EMP2: variants seen among roughly 807,000 people sequenced by gnomAD.
The protein encoded by EMP2 is epithelial membrane protein 2.
EMP2 carries 19 observed loss-of-function variants against 13.7 expected under a neutral mutation model. That is an observed-to-expected ratio of 1.38 (90% CI 0.97 to 2.03). The LOEUF is 2.03. Ranked by LOEUF, EMP2 falls within the 30% of genes most tolerant of loss-of-function variation. The probability of loss-of-function intolerance (pLI) is 0.00; values close to 1 mark genes in which losing one functional copy is unlikely to be tolerated. For synonymous variants in EMP2, 97 were observed against 84.7 expected, an observed-to-expected ratio of 1.15 and a Z score of -0.80; for missense variants, 253 against 220.7, an observed-to-expected ratio of 1.15 and a Z score of -0.93.
intron 1 of EMP2, chr16:10,578,271 G>T (rs2354423): frequency 0.68 from 103,852 of 151,940 alleles, 35,710 homozygotes; most frequent in South Asian, 0.74. Flanking sequence ...TACCTGTTGC[G>T]GGAAATTGGG....
At chr16:10,549,462 C>T (rs1343068041) in intron 1 of EMP2, among the ~76,000 whole-genome samples, 1 of 152,130 alleles carries the variant, frequency 6.6e-6, no homozygotes, top group Admixed American at 6.6e-5. Context: ...TATTTTATAA[C>T]CATCATCTTG....
intron 1 of EMP2, among the ~76,000 whole-genome samples, chr16:10,570,921 C>T (rs1022801383): frequency 6.6e-6 from 1 of 151,710 alleles, no homozygotes; most frequent in South Asian, 2.1e-4. Context: ...AGAAGAAGGG[C>T]GAGGGAAAGA....
Position 10,532,376 on chromosome 16 carries a change from T to G in EMP2, c.*529A>C, listed in dbSNP as rs1474184701. The G allele has an allele frequency of 2.0e-5, 3 of 152,616 alleles. No individual in the cohort carries two copies. The highest frequency in any genetic ancestry group is 2.9e-5 in the Non-Finnish European group (2 of 68,226). The allele number at this position is 152,616 out of a possible 1,614,324, so 9.5% of individuals were successfully genotyped here. A position where few individuals can be genotyped will look rare whatever the true frequency, so the allele number is the denominator to read the frequency against. On this transcript the variant is annotated 3_prime_UTR_variant, in exon 5 of 5. Coordinates refer to ENST00000359543, the MANE Select transcript of EMP2 (RefSeq NM_001424.6). ...GGCTCTGGTTTGGATACAGACAGAA[T>G]GCCAGGGACTACACCTGCTTCTCAC...
At chr16:10,537,758 G>A (rs949948718) in intron 4 of EMP2, among the ~76,000 whole-genome samples, 170 bp downstream of exon 4, 1 of 129,774 alleles carries the variant, frequency 7.7e-6, no homozygotes, top group Admixed American at 7.4e-5. Context: ...GCATGCATGC[G>A]CCCACACACA....
intron 1 of EMP2, among the ~76,000 whole-genome samples, chr16:10,561,849 A>G (rs1411267669): frequency 6.6e-6 from 1 of 152,242 alleles, no homozygotes; most frequent in African/African-American, 2.4e-5. Context: ...TAAAGGGCTA[A>G]TAACAAGTGA....
intron 1 of EMP2, among the ~76,000 whole-genome samples, chr16:10,564,947 C>A (rs532002445): frequency 1.3e-5 from 2 of 152,282 alleles, no homozygotes; most frequent in East Asian, 3.9e-4. Context: ...GTCAGCATCA[C>A]CTGCCATAAA....
At chr16:10,540,917 G>C (rs2050691220) in intron 3 of EMP2, among the ~76,000 whole-genome samples, 1 of 152,006 alleles carries the variant, frequency 6.6e-6, no homozygotes, top group African/African-American at 2.4e-5. Context: ...GTAAAACCCT[G>C]TCTCTACAGA....
chr16:10,543,116 G>A (rs1360432208), intron 3 of EMP2, among the ~76,000 whole-genome samples: 5 of 152,198 alleles, frequency 3.3e-5, no homozygotes, highest in African/African-American at 1.2e-4. Flanking sequence ...AAAGTGCTGG[G>A]ATTACAGGCA....
chr16:10,563,079 C>A (rs1387843844), intron 1 of EMP2, among the ~76,000 whole-genome samples: 4 of 152,136 alleles, frequency 2.6e-5, no homozygotes, highest in Admixed American at 6.5e-5. Context: ...CAGCCTCACA[C>A]CCATTAGTTT....
At chr16:10,551,659 G>A (rs1267907824) in intron 1 of EMP2, among the ~76,000 whole-genome samples, 1 of 152,108 alleles carries the variant, frequency 6.6e-6, no homozygotes, top group Non-Finnish European at 1.5e-5. Context: ...TGCCTGCCTT[G>A]GTCTCCCGAA....
chr16:10,555,676 C>A (rs1394689171), intron 1 of EMP2, among the ~76,000 whole-genome samples: 1 of 152,066 alleles, frequency 6.6e-6, no homozygotes, highest in Non-Finnish European at 1.5e-5. Context: ...CAACCTCTGC[C>A]TCCTGAGTCC....
chr16:10,578,908 T>C (rs1335811935), intron 1 of EMP2, among the ~76,000 whole-genome samples: 1 of 152,258 alleles, frequency 6.6e-6, no homozygotes, highest in Non-Finnish European at 1.5e-5. Flanking sequence ...ACGCCCTGTT[T>C]TCCCCAGAAG....
chr16:10,543,800 T>G (rs2050719444), intron 2 of EMP2, 140 bp from the exon 3 acceptor site: 1 of 751,638 alleles, frequency 1.3e-6, no homozygotes. Context: ...GAGCTTATTC[T>G]AATGCAGACT....
chr16:10,563,591 GC>G (rs1239033024), intron 1 of EMP2, among the ~76,000 whole-genome samples: 3 of 152,220 alleles, frequency 2.0e-5, no homozygotes, highest in African/African-American at 7.2e-5. Context: ...ACTCAGCCAG[GC>G]CCAAGGAGTC....
intron 1 of EMP2, among the ~76,000 whole-genome samples, chr16:10,548,472 T>G (rs1037994481): frequency 6.6e-6 from 1 of 152,122 alleles, no homozygotes. Context: ...AAGAGGATGT[T>G]AATTAAGCCC....
At chr16:10,562,058 C>T (rs2050874905) in intron 1 of EMP2, among the ~76,000 whole-genome samples, 1 of 152,148 alleles carries the variant, frequency 6.6e-6, no homozygotes, top group Admixed American at 6.5e-5. Context: ...GGGGACACCC[C>T]ACCTCATTCT....
intron 1 of EMP2, among the ~76,000 whole-genome samples, chr16:10,570,658 A>G (rs2050940742): frequency 6.6e-6 from 1 of 152,022 alleles, no homozygotes; most frequent in Non-Finnish European, 1.5e-5. Context: ...TCGGCCTCCC[A>G]AAGTGCTGGG....
chr16:10,533,295 C>T (rs1315602959), intron 4 of EMP2, among the ~76,000 whole-genome samples: 2 of 152,190 alleles, frequency 1.3e-5, no homozygotes, highest in Non-Finnish European at 2.9e-5. Flanking sequence ...GCCTCGGCCT[C>T]CCAAAGTGCT....
intron 1 of EMP2, among the ~76,000 whole-genome samples, chr16:10,558,441 T>C (rs1476919318): frequency 6.6e-6 from 1 of 151,766 alleles, no homozygotes; most frequent in Non-Finnish European, 1.5e-5. Flanking sequence ...TAAGTAGAGG[T>C]GCCGTCCAGC....
Sources: allele counts gnomAD v4.1 joint callset (sites outside exome capture counted in the v4.1 genomes callset), GRCh38; gene constraint gnomAD v4.1.1; transcripts MANE v1.5; gene names NCBI Gene and HGNC (gene_info 2026-07-23, HGNC 2026-07-21).